Variants in DMD observed in about 807,000 individuals in gnomAD.
The protein encoded by DMD is mutant dystrophin.
A neutral mutation model predicts 330.1 loss-of-function variants in DMD; 63 were observed. The observed-to-expected ratio is 0.19, with a 90% CI of 0.16 to 0.24. The LOEUF (loss-of-function observed/expected upper bound fraction) is 0.24, where lower values mean the gene tolerates loss of function less well. Among genes scored for constraint, DMD ranks in the 10% least tolerant of loss-of-function variants. The probability of loss-of-function intolerance (pLI) is 1.00; values close to 1 mark genes in which losing one functional copy is unlikely to be tolerated. For missense variants in DMD, 3,344 were observed against 2,684.1 expected, an observed-to-expected ratio of 1.25 and a Z score of -5.43; for synonymous variants, 1,223 against 959.8, an observed-to-expected ratio of 1.27 and a Z score of -5.07.
At chrX:33,314,925 TCTC>T (rs768390123) in intron 1 of DMD, among the ~76,000 whole-genome samples, 3 of 110,973 alleles carry the variant, frequency 2.7e-5, no homozygotes, top group East Asian at 5.7e-4. Context: ...TTCAAGCAAT[TCTC>T]CTGCCTCAGC....
chrX:32,858,114 T>G, intron 2 of DMD, among the ~76,000 whole-genome samples: 1 of 111,551 alleles, frequency 9.0e-6, no homozygotes, highest in Admixed American at 9.5e-5. Flanking sequence ...ATTAGTCATA[T>G]TCACCATATT....
chrX:32,436,724 A>G (rs2098262715), intron 29 of DMD, among the ~76,000 whole-genome samples: 1 of 110,876 alleles, frequency 9.0e-6, no homozygotes, highest in Non-Finnish European at 1.9e-5. Context: ...GGCCAAGGCA[A>G]GTGGATAGCT....
intron 2 of DMD, among the ~76,000 whole-genome samples, chrX:32,858,015 G>T (rs1881788265): frequency 9.0e-6 from 1 of 110,711 alleles, no homozygotes; most frequent in South Asian, 4.0e-4. Flanking sequence ...GCAGTGAGGT[G>T]ATAGAGAAAC....
intron 1 of DMD, among the ~76,000 whole-genome samples, chrX:33,060,019 C>T (rs1175261936): frequency 9.0e-6 from 1 of 111,689 alleles, no homozygotes; most frequent in Non-Finnish European, 1.9e-5. Context: ...TGGTAATGTG[C>T]GATCCTTATA....
intron 2 of DMD, among the ~76,000 whole-genome samples, chrX:32,931,583 A>G (rs2089600540): frequency 9.0e-6 from 1 of 111,549 alleles, no homozygotes; most frequent in Non-Finnish European, 1.9e-5. Flanking sequence ...ACAAACGTAT[A>G]AGCATATAAG....
intron 77 of DMD, among the ~76,000 whole-genome samples, chrX:31,127,383 C>T (rs1459866978): frequency 2.7e-5 from 3 of 112,097 alleles, no homozygotes; most frequent in Non-Finnish European, 5.6e-5. Context: ...TTCATAGATT[C>T]CTACATCTGT....
intron 57 of DMD, among the ~76,000 whole-genome samples, chrX:31,480,927 G>C (rs1431903134): frequency 8.9e-6 from 1 of 111,850 alleles, no homozygotes; most frequent in Non-Finnish European, 1.9e-5. Flanking sequence ...ATCGGGAAAA[G>C]CTTCCAGGAG....
intron 44 of DMD, among the ~76,000 whole-genome samples, chrX:32,114,519 C>T (rs2096602118): frequency 9.0e-6 from 1 of 111,662 alleles, no homozygotes. Context: ...GGCAGACCGT[C>T]CTCTTTTGTC....
At chrX:32,247,843 C>G (rs1287167689) in intron 43 of DMD, among the ~76,000 whole-genome samples, 2 of 111,235 alleles carry the variant, frequency 1.8e-5, no homozygotes, top group African/African-American at 6.5e-5. Context: ...ATATTTCTAG[C>G]CCTCAGAATC....
intron 25 of DMD, among the ~76,000 whole-genome samples, chrX:32,463,122 T>C (rs1467197111): frequency 8.9e-6 from 1 of 111,994 alleles, no homozygotes; most frequent in Non-Finnish European, 1.9e-5. Context: ...TTAATCCCAT[T>C]ATTATTATAC....
At chrX:32,723,891 C>CA (rs1387054704) in intron 7 of DMD, among the ~76,000 whole-genome samples, 71 of 109,478 alleles carry the variant, frequency 6.5e-4, no homozygotes, top group African/African-American at 2.2e-3. Flanking sequence ...AAAAAACCTG[C>CA]AAAAAAATCT....
At chrX:32,613,225 C>T (rs1426219165) in intron 12 of DMD, among the ~76,000 whole-genome samples, 1 of 111,302 alleles carries the variant, frequency 9.0e-6, no homozygotes. Context: ...TTTAAGTAGG[C>T]TTCTTTTATT....
intron 51 of DMD, among the ~76,000 whole-genome samples, 179 bp downstream of exon 51, chrX:31,773,781 T>C (rs1392590334): frequency 3.8e-5 from 4 of 106,332 alleles, no homozygotes. Context: ...ACTTTTGTTA[T>C]TTGCATTAAT....
intron 13 of DMD, among the ~76,000 whole-genome samples, chrX:32,579,542 C>A (rs778777043): frequency 8.9e-6 from 1 of 112,450 alleles, no homozygotes; most frequent in South Asian, 3.6e-4. Context: ...CTAATTTGTG[C>A]TACACAACCT....
At chrX:32,976,233 T>G (rs867696416) in intron 2 of DMD, among the ~76,000 whole-genome samples, 82 of 82,865 alleles carry the variant, frequency 9.9e-4, no homozygotes, top group Non-Finnish European at 1.7e-3. Flanking sequence ...AAAAAAAAAA[T>G]ACAACCCTCA....
At chrX:32,200,479 T>G (rs1408585479) in intron 44 of DMD, among the ~76,000 whole-genome samples, 1 of 111,473 alleles carries the variant, frequency 9.0e-6, no homozygotes. Flanking sequence ...GTGTTATATA[T>G]GTAACACGTT....
chrX:31,512,888 TG>T (rs1416926818), intron 55 of DMD, among the ~76,000 whole-genome samples: 1 of 108,732 alleles, frequency 9.2e-6, no homozygotes, highest in East Asian at 2.9e-4. Context: ...ATTGGTAGCT[TG>T]ATGGGGATGG....
intron 62 of DMD, among the ~76,000 whole-genome samples, chrX:31,279,932 C>T (rs1224717370): frequency 1.8e-5 from 2 of 112,611 alleles, no homozygotes; most frequent in Non-Finnish European, 3.8e-5. Context: ...GCAAAGTGCT[C>T]CACAAAGCCT....
intron 9 of DMD, among the ~76,000 whole-genome samples, chrX:32,664,077 G>A (rs185984819): frequency 9.5e-4 from 106 of 111,229 alleles, no homozygotes; most frequent in Non-Finnish European, 1.7e-3. Context: ...AAGACCATCT[G>A]GCAGACAAAA....
Sources: allele counts gnomAD v4.1 joint callset (sites outside exome capture counted in the v4.1 genomes callset), GRCh38; gene constraint gnomAD v4.1.1; transcripts MANE v1.5; gene names NCBI Gene and HGNC (gene_info 2026-07-23, HGNC 2026-07-21).